SRPK2: variants seen among roughly 807,000 people sequenced by gnomAD.
SRPK2 encodes SRSF protein kinase 2, also known as SFRS protein kinase 2.
SRPK2 carries 21 observed loss-of-function variants against 90.8 expected under a neutral mutation model. The ratio of observed to expected loss-of-function variants is 0.23; its 90% CI spans 0.16 to 0.33. SRPK2 has a LOEUF of 0.33. Among genes scored for constraint, SRPK2 ranks in the 10% least tolerant of loss-of-function variants. The probability of loss-of-function intolerance (pLI) is 1.00; values close to 1 mark genes in which losing one functional copy is unlikely to be tolerated. For synonymous variants in SRPK2, 288 were observed against 311.1 expected, an observed-to-expected ratio of 0.93 and a Z score of 0.78; for missense variants, 620 against 869.0, an observed-to-expected ratio of 0.71 and a Z score of 3.60.
At chr7:105,167,013 A>T (rs1790156163) in intron 6 of SRPK2, among the ~76,000 whole-genome samples, 1 of 152,208 alleles carries the variant, frequency 6.6e-6, no homozygotes, top group Non-Finnish European at 1.5e-5. Flanking sequence ...TGGGGCACAC[A>T]CAGATTGTCC....
At chr7:105,337,233 C>T (rs868338339) in intron 2 of SRPK2, among the ~76,000 whole-genome samples, 2 of 152,048 alleles carry the variant, frequency 1.3e-5, no homozygotes, top group Non-Finnish European at 2.9e-5. Flanking sequence ...AGCCTTAACC[C>T]CCAGTGTGAT....
chr7:105,261,697 A>G (rs923789944), intron 2 of SRPK2, among the ~76,000 whole-genome samples: 5 of 152,218 alleles, frequency 3.3e-5, no homozygotes, highest in Admixed American at 1.3e-4. Flanking sequence ...ATGCAAATGA[A>G]CATTATTTGT....
intron 8 of SRPK2, among the ~76,000 whole-genome samples, chr7:105,145,635 A>G (rs549657770): frequency 6.6e-6 from 1 of 152,250 alleles, no homozygotes; most frequent in Non-Finnish European, 1.5e-5. Flanking sequence ...TACATATCAC[A>G]GTCATTAAAC....
chr7:105,284,594 G>C (rs1302471474), intron 2 of SRPK2, among the ~76,000 whole-genome samples: 2 of 152,078 alleles, frequency 1.3e-5, no homozygotes, highest in Admixed American at 6.5e-5. Context: ...AAACTTCATG[G>C]AGCTATTTAT....
chr7:105,158,060 G>A (rs1192952366), intron 7 of SRPK2, among the ~76,000 whole-genome samples: 1 of 152,066 alleles, frequency 6.6e-6, no homozygotes, highest in Non-Finnish European at 1.5e-5. Context: ...GGAAGACCCT[G>A]TCTCAAAAAA....
chr7:105,170,844 A>AAGAAAGGAAGAAAGG (rs1563025074), intron 3 of SRPK2, among the ~76,000 whole-genome samples: 1 of 10,674 alleles, frequency 9.4e-5, no homozygotes, highest in African/African-American at 2.6e-4. Context: ...AGGAAGAAAG[A>AAGAAAGGAAGAAAGG]AAGAAAGAAA....
At chr7:105,140,689 G>A (rs776429328) in intron 11 of SRPK2, among the ~76,000 whole-genome samples, 5 of 151,822 alleles carry the variant, frequency 3.3e-5, no homozygotes, top group Non-Finnish European at 4.4e-5. Flanking sequence ...TCAGCCGGGC[G>A]CGGTGGCTCA....
At chr7:105,270,620 G>T (rs1396380172) in intron 2 of SRPK2, among the ~76,000 whole-genome samples, 1 of 151,850 alleles carries the variant, frequency 6.6e-6, no homozygotes, top group African/African-American at 2.4e-5. Flanking sequence ...TGTTGGTCAG[G>T]CTGGTCTTGA....
intron 2 of SRPK2, among the ~76,000 whole-genome samples, chr7:105,316,357 G>C (rs141562783): frequency 1.3e-5 from 2 of 152,074 alleles, no homozygotes; most frequent in South Asian, 4.1e-4. Flanking sequence ...CATTAACTTC[G>C]GTAGTATATT....
At chr7:105,171,634 A>G (rs1469026110) in intron 3 of SRPK2, among the ~76,000 whole-genome samples, 1 of 152,180 alleles carries the variant, frequency 6.6e-6, no homozygotes, top group Non-Finnish European at 1.5e-5. Context: ...CTGAACATTT[A>G]AATTGTGTTG....
chr7:105,161,858 C>T (rs1563010086), intron 6 of SRPK2, among the ~76,000 whole-genome samples: 1 of 152,240 alleles, frequency 6.6e-6, no homozygotes, highest in East Asian at 1.9e-4. Context: ...TGTATGATCA[C>T]CATTTAAGAC....
rs981803016 is a variant in SRPK2, at chr7:105,366,463, G to A, written c.71+22185C>T. Among the ~76,000 whole-genome samples, 6 of 147,082 alleles carry A rather than the reference G, an allele frequency of 4.1e-5. No homozygotes were observed. In the South Asian group the frequency reaches 6.5e-4, roughly 16 times the overall value. On this transcript the variant is annotated intron_variant, in intron 2 of 15. Coordinates refer to ENST00000393651, the MANE Select transcript of SRPK2 (RefSeq NM_182692.3). ...TGACTCACTGCAACCTCTGCCTCCC[G>A]GCCTCAAGCAATTCTTCTACCTCAG...
chr7:105,358,223 C>CA (rs976713048), intron 2 of SRPK2, among the ~76,000 whole-genome samples: 24,706 of 53,904 alleles, frequency 0.46, 5,810 homozygotes, highest in Non-Finnish European at 0.54. Context: ...GACTCCGTCT[C>CA]AAAAAAAAAA....
chr7:105,396,664 A>T (rs1228762923), intron 1 of SRPK2, among the ~76,000 whole-genome samples: 6 of 145,686 alleles, frequency 4.1e-5, no homozygotes, highest in African/African-American at 1.5e-4. Flanking sequence ...AGAGAAAAGA[A>T]GAAGAAGAGG....
At chr7:105,179,985 T>C (rs1331854016) in intron 3 of SRPK2, among the ~76,000 whole-genome samples, 1 of 152,088 alleles carries the variant, frequency 6.6e-6, no homozygotes, top group African/African-American at 2.4e-5. Context: ...AAAATCAATA[T>C]TGTTAAAACA....
At chr7:105,304,012 T>A (rs757022089) in intron 2 of SRPK2, among the ~76,000 whole-genome samples, 1 of 152,198 alleles carries the variant, frequency 6.6e-6, no homozygotes, top group Non-Finnish European at 1.5e-5. Flanking sequence ...CCTGAAAACA[T>A]GAAATTTGCA....
At chr7:105,212,990 C>CA in intron 2 of SRPK2, among the ~76,000 whole-genome samples, 1 of 152,252 alleles carries the variant, frequency 6.6e-6, no homozygotes, top group East Asian at 1.9e-4. Flanking sequence ...CTAGACATAA[C>CA]TGAAAGTATA....
At chr7:105,161,021 G>A (rs1585001132) in intron 6 of SRPK2, among the ~76,000 whole-genome samples, 1 of 152,008 alleles carries the variant, frequency 6.6e-6, no homozygotes, top group Non-Finnish European at 1.5e-5. Context: ...TGCTTTCTGG[G>A]TTCACACCAT....
At chr7:105,137,235 G>T (rs114136004) in intron 11 of SRPK2, among the ~76,000 whole-genome samples, 1 of 152,136 alleles carries the variant, frequency 6.6e-6, no homozygotes, top group African/African-American at 2.4e-5. Context: ...AATGAATTAG[G>T]GAAACAGAGA....
Sources: gnomAD v4.1 joint callset for allele counts (sites outside exome capture counted in the v4.1 genomes callset) on GRCh38, gnomAD v4.1.1 for gene constraint, MANE v1.5 for transcripts, NCBI Gene and HGNC (gene_info 2026-07-23, HGNC 2026-07-21) for gene names.